Variants in NKAIN2 observed in about 807,000 individuals in gnomAD.
NKAIN2 encodes sodium/potassium transporting ATPase interacting 2, also known as sodium/potassium-transporting ATPase subunit beta-1-interacting protein 2.
NKAIN2 carries 14 observed loss-of-function variants against 32.6 expected under a neutral mutation model. The observed-to-expected ratio is 0.43, with a 90% CI of 0.28 to 0.67. NKAIN2 has a LOEUF of 0.67. NKAIN2 is among the 30% of genes least tolerant of loss of function. NKAIN2 has a pLI of 0.17. For synonymous variants in NKAIN2, 80 were observed against 87.2 expected, an observed-to-expected ratio of 0.92 and a Z score of 0.46; for missense variants, 198 against 258.3, an observed-to-expected ratio of 0.77 and a Z score of 1.60.
At chr6:124,407,026 T>C (rs1227785797) in intron 3 of NKAIN2, among the ~76,000 whole-genome samples, 2 of 152,172 alleles carry the variant, frequency 1.3e-5, no homozygotes, top group Non-Finnish European at 2.9e-5. Context: ...TGGCTTAACA[T>C]TTCATTTCAT....
intron 3 of NKAIN2, among the ~76,000 whole-genome samples, chr6:124,640,224 A>G (rs1783933510): frequency 6.6e-6 from 1 of 152,168 alleles, no homozygotes; most frequent in Non-Finnish European, 1.5e-5. Context: ...CAGGGACAAT[A>G]GTGACTGGCA....
chr6:124,256,058 A>C (rs1484469211), intron 1 of NKAIN2, among the ~76,000 whole-genome samples: 1 of 152,182 alleles, frequency 6.6e-6, no homozygotes, highest in Non-Finnish European at 1.5e-5. Flanking sequence ...CTCTCTTACA[A>C]GGGAAATTAC....
chr6:124,401,133 G>A (rs554904246), intron 3 of NKAIN2, among the ~76,000 whole-genome samples: 6 of 152,156 alleles, frequency 3.9e-5, no homozygotes, highest in African/African-American at 1.4e-4. Context: ...ATATGAGATA[G>A]TGCTTTTATT....
chr6:124,735,054 T>C (rs1011568820), intron 4 of NKAIN2, among the ~76,000 whole-genome samples: 1 of 151,914 alleles, frequency 6.6e-6, no homozygotes, highest in Admixed American at 6.6e-5. Context: ...GTTTTTTGAT[T>C]TGTGAAATGT....
chr6:124,614,418 A>G (rs1782806643), intron 3 of NKAIN2, among the ~76,000 whole-genome samples: 1 of 152,102 alleles, frequency 6.6e-6, no homozygotes, highest in Non-Finnish European at 1.5e-5. Context: ...ATCCACCCAT[A>G]TCCTTTGTCA....
rs186749834 is a variant in NKAIN2, at chr6:124,733,741, A to T, written c.475-57598A>T. On this transcript the variant is annotated intron_variant, in intron 4 of 6. Transcript: ENST00000368417. Reference sequence around the variant, plus strand: ...TTCATATTTAGCTGAATATAGATGCATATAGTTACATATGTAAATATATAT... The same window carrying T: ...TTCATATTTAGCTGAATATAGATGCTTATAGTTACATATGTAAATATATAT... Among the ~76,000 whole-genome samples the T allele has an allele frequency of 7.9e-5, 12 of 151,942 alleles. No homozygotes were observed. The South Asian group carries it at 8.3e-4, about 10-fold the overall frequency.
At chr6:124,277,123 T>C (rs935017488) in intron 1 of NKAIN2, among the ~76,000 whole-genome samples, 4 of 152,102 alleles carry the variant, frequency 2.6e-5, no homozygotes, top group African/African-American at 9.7e-5. Flanking sequence ...GTATTCAAAC[T>C]TTCTACATCT....
chr6:124,310,468 G>T (rs1325265519), intron 2 of NKAIN2, among the ~76,000 whole-genome samples: 1 of 151,988 alleles, frequency 6.6e-6, no homozygotes, highest in Non-Finnish European at 1.5e-5. Context: ...GTGGGCTACA[G>T]ATTTTTTTTT....
intron 3 of NKAIN2, among the ~76,000 whole-genome samples, chr6:124,581,098 AG>A (rs1306189876): frequency 2.0e-5 from 3 of 152,220 alleles, no homozygotes; most frequent in African/African-American, 7.2e-5. Context: ...TGGAGTTTTC[AG>A]CACCCTACTT....
At chr6:124,315,639 C>T (rs1264489541) in intron 2 of NKAIN2, among the ~76,000 whole-genome samples, 1 of 152,142 alleles carries the variant, frequency 6.6e-6, no homozygotes, top group Non-Finnish European at 1.5e-5. Flanking sequence ...TCCAAAGTGT[C>T]GAATCTCCAG....
intron 1 of NKAIN2, among the ~76,000 whole-genome samples, chr6:123,850,645 T>C (rs1299930169): frequency 6.6e-6 from 1 of 152,218 alleles, no homozygotes; most frequent in Non-Finnish European, 1.5e-5. Flanking sequence ...ATTGCATTTA[T>C]TTATTATGTA....
intron 4 of NKAIN2, among the ~76,000 whole-genome samples, chr6:124,750,160 A>G (rs537724549): frequency 2.7e-4 from 41 of 152,028 alleles, no homozygotes; most frequent in African/African-American, 9.9e-4. Flanking sequence ...TTGAAATAAT[A>G]CACATGAAAG....
intron 1 of NKAIN2, among the ~76,000 whole-genome samples, chr6:124,247,793 A>C (rs1382670567): frequency 1.3e-5 from 2 of 152,124 alleles, no homozygotes; most frequent in Non-Finnish European, 2.9e-5. Flanking sequence ...AACTAACATA[A>C]ATATATTCTG....
intron 4 of NKAIN2, among the ~76,000 whole-genome samples, chr6:124,673,367 G>A (rs796625887): frequency 4.1e-4 from 63 of 152,158 alleles, no homozygotes; most frequent in African/African-American, 1.4e-3. Context: ...GCAGATGTTC[G>A]TTCAAGATTC....
intron 2 of NKAIN2, among the ~76,000 whole-genome samples, chr6:124,299,668 C>G (rs975220384): frequency 6.6e-6 from 1 of 151,994 alleles, no homozygotes; most frequent in East Asian, 1.9e-4. Flanking sequence ...CAAATTTTTC[C>G]CCTGAAGTAT....
At chr6:123,847,862 G>A (rs749327978) in intron 1 of NKAIN2, among the ~76,000 whole-genome samples, 55 of 152,064 alleles carry the variant, frequency 3.6e-4, no homozygotes, top group South Asian at 6.2e-4. Flanking sequence ...GGGATGGTAC[G>A]GAGCTTGAGA....
intron 5 of NKAIN2, chr6:124,804,622 G>C (rs889531699): frequency 6.5e-6 from 1 of 154,188 alleles, no homozygotes; most frequent in Admixed American, 6.5e-5. Flanking sequence ...ATCTCACTAG[G>C]GAGTGCCAGA....
At chr6:123,880,363 A>G (rs1297232988) in intron 1 of NKAIN2, among the ~76,000 whole-genome samples, 1 of 152,190 alleles carries the variant, frequency 6.6e-6, no homozygotes, top group Non-Finnish European at 1.5e-5. Flanking sequence ...CCAAAGCTAC[A>G]TAAAATTATA....
chr6:124,030,929 A>T (rs1262639263), intron 1 of NKAIN2, among the ~76,000 whole-genome samples: 3 of 152,176 alleles, frequency 2.0e-5, no homozygotes, highest in African/African-American at 7.2e-5. Context: ...CTTAAGAGGA[A>T]CCCACTAGGT....
Sources: gnomAD v4.1 joint callset for allele counts (sites outside exome capture counted in the v4.1 genomes callset) on GRCh38, gnomAD v4.1.1 for gene constraint, MANE v1.5 for transcripts, NCBI Gene and HGNC (gene_info 2026-07-23, HGNC 2026-07-21) for gene names.